The following ATP11C variants were observed in gnomAD, a reference collection of about 807,000 sequenced individuals.
ATP11C encodes the protein phospholipid-transporting ATPase IG.
In ATP11C, 36 loss-of-function variants were observed where a neutral mutation model predicts 97.4. The ratio of observed to expected loss-of-function variants is 0.37; its 90% CI spans 0.28 to 0.49. ATP11C has a LOEUF of 0.49. Ranked by LOEUF, ATP11C falls within the 20% of genes least tolerant of loss-of-function variation. The pLI, the probability that ATP11C is intolerant of heterozygous loss-of-function variation, is 0.98. For synonymous variants in ATP11C, 275 were observed against 290.9 expected (o/e 0.95, Z 0.56); for missense variants, 730 against 824.6 (o/e 0.89, Z 1.40).
At chrX:139,883,999 T>C (rs1007354637) in intron 1 of ATP11C, among the ~76,000 whole-genome samples, 3 of 112,100 alleles carry the variant, frequency 2.7e-5, no homozygotes, top group East Asian at 2.8e-4. Context: ...GATTACCAAT[T>C]CTGATTTTCA....
intron 1 of ATP11C, among the ~76,000 whole-genome samples, chrX:139,864,614 C>T (rs539980677): frequency 2.7e-5 from 3 of 111,995 alleles, no homozygotes; most frequent in East Asian, 5.6e-4. Context: ...AAATAACATA[C>T]ATATAGTGTC....
chrX:139,801,537 G>A (rs968780740), intron 7 of ATP11C, among the ~76,000 whole-genome samples: 2 of 111,920 alleles, frequency 1.8e-5, no homozygotes, highest in Non-Finnish European at 3.8e-5. Context: ...AACAAGATGG[G>A]TAATGGATGC....
intron 1 of ATP11C, among the ~76,000 whole-genome samples, chrX:139,852,521 G>A (rs963751499): frequency 6.9e-5 from 6 of 86,699 alleles, no homozygotes; most frequent in Admixed American, 6.0e-4. Flanking sequence ...CTCACATACT[G>A]TGGCAATGAC....
At chrX:139,897,464 G>C (rs1465712908) in intron 1 of ATP11C, among the ~76,000 whole-genome samples, 1 of 109,650 alleles carries the variant, frequency 9.1e-6, no homozygotes, top group Non-Finnish European at 1.9e-5. Context: ...CGGGCGGACA[G>C]CTTGAGGCCA....
chrX:139,853,833 CAAAAAA>C (rs934664774), intron 1 of ATP11C, among the ~76,000 whole-genome samples: 5 of 21,269 alleles, frequency 2.4e-4, no homozygotes, highest in African/African-American at 8.6e-4. Context: ...TATCCTAAGT[CAAAAAA>C]AAAAAAAAAA....
At chrX:139,831,824 A>C (rs2083655084) in intron 1 of ATP11C, among the ~76,000 whole-genome samples, 1 of 111,521 alleles carries the variant, frequency 9.0e-6, no homozygotes, top group African/African-American at 3.3e-5. Flanking sequence ...TATTAACAGA[A>C]TCTTTCCTAA....
At chrX:139,905,566 T>C (rs1345765441) in intron 1 of ATP11C, among the ~76,000 whole-genome samples, 2 of 111,953 alleles carry the variant, frequency 1.8e-5, no homozygotes, top group Non-Finnish European at 3.8e-5. Flanking sequence ...AGACAATCTA[T>C]GTACTCCAAC....
At chrX:139,871,334 A>G (rs1320723375) in intron 1 of ATP11C, among the ~76,000 whole-genome samples, 1 of 105,468 alleles carries the variant, frequency 9.5e-6, no homozygotes, top group Non-Finnish European at 1.9e-5. Flanking sequence ...TCAGCTCCCG[A>G]GTAGCTGGCA....
chrX:139,762,563 T>C (rs1295375113), intron 21 of ATP11C, among the ~76,000 whole-genome samples: 1 of 111,227 alleles, frequency 9.0e-6, no homozygotes, highest in Admixed American at 9.6e-5. Flanking sequence ...TTCTATGAGC[T>C]CGAGCAGCTT....
intron 1 of ATP11C, among the ~76,000 whole-genome samples, chrX:139,852,616 TATGCGTGA>T (rs2084016092): frequency 9.2e-6 from 1 of 108,810 alleles, no homozygotes; most frequent in Non-Finnish European, 1.9e-5. Flanking sequence ...TAAATATGTG[TATGCGTGA>T]ATGATCACCA....
At chrX:139,905,532 T>C (rs2084960621) in intron 1 of ATP11C, among the ~76,000 whole-genome samples, 1 of 111,764 alleles carries the variant, frequency 8.9e-6, no homozygotes, top group Admixed American at 9.5e-5. Flanking sequence ...AAACATAATT[T>C]ACCACAAAAA....
intron 2 of ATP11C, among the ~76,000 whole-genome samples, chrX:139,821,126 G>C (rs768208996): frequency 3.6e-5 from 4 of 111,745 alleles, no homozygotes; most frequent in Non-Finnish European, 5.6e-5. Context: ...GGAATCCTCA[G>C]GGAAAAAACA....
At chrX:139,909,411 G>C (rs1225421995) in intron 1 of ATP11C, among the ~76,000 whole-genome samples, 1 of 111,294 alleles carries the variant, frequency 9.0e-6, no homozygotes, top group Non-Finnish European at 1.9e-5. Flanking sequence ...GGGATTACAT[G>C]AGTGAGTTAT....
chrX:139,796,525 T>C (rs1360811304), intron 11 of ATP11C, 55 bp from the exon 12 acceptor site: 11 of 780,268 alleles, frequency 1.4e-5, no homozygotes, highest in Non-Finnish European at 2.0e-5. Flanking sequence ...ATCAGACCAA[T>C]ATAATATAAA....
At chrX:139,923,547 G>C (rs183221099) in intron 1 of ATP11C, among the ~76,000 whole-genome samples, 61 of 112,179 alleles carry the variant, frequency 5.4e-4, no homozygotes, top group Non-Finnish European at 9.2e-4. Context: ...TGATTCACAT[G>C]AATGTTTTCA....
intron 23 of ATP11C, among the ~76,000 whole-genome samples, chrX:139,756,746 C>T (rs1195244509): frequency 9.1e-6 from 1 of 110,377 alleles, no homozygotes; most frequent in East Asian, 2.8e-4. Context: ...CATATTCTAA[C>T]TTATAAGTGG....
chrX:139,880,509 T>C (rs2084544162), intron 1 of ATP11C, among the ~76,000 whole-genome samples: 1 of 110,668 alleles, frequency 9.0e-6, no homozygotes, highest in African/African-American at 3.3e-5. Flanking sequence ...GAGGAGGAGG[T>C]AGTTCTTGAT....
intron 1 of ATP11C, among the ~76,000 whole-genome samples, chrX:139,837,192 G>A (rs1009616939): frequency 1.8e-5 from 2 of 112,048 alleles, no homozygotes; most frequent in African/African-American, 6.5e-5. Context: ...AAGACAAACA[G>A]TAGTTAGAAG....
chrX:139,729,367 C>G (rs1427149674), intron 29 of ATP11C, among the ~76,000 whole-genome samples: 2 of 111,673 alleles, frequency 1.8e-5, no homozygotes, highest in East Asian at 5.6e-4. Context: ...ACAGCAGATA[C>G]TCAGGAAATG....
Sources: gnomAD v4.1 joint callset for allele counts (sites outside exome capture counted in the v4.1 genomes callset) on GRCh38, gnomAD v4.1.1 for gene constraint, MANE v1.5 for transcripts, NCBI Gene and HGNC (gene_info 2026-07-23, HGNC 2026-07-21) for gene names.